SAMD9L: variants seen among roughly 807,000 people sequenced by gnomAD.
SAMD9L encodes the protein sterile alpha motif domain-containing protein 9-like.
In SAMD9L, 68 loss-of-function variants were observed where a neutral mutation model predicts 90.7. The ratio of observed to expected loss-of-function variants is 0.75; its 90% CI spans 0.62 to 0.92. The LOEUF is 0.92. Among genes scored for constraint, SAMD9L ranks in the 40% least tolerant of loss-of-function variants. The pLI is 0.00. For missense variants in SAMD9L, 1,604 were observed against 1,824.3 expected (o/e 0.88, Z 2.20); for synonymous variants, 640 against 630.1 (o/e 1.02, Z -0.23).
intron 2 of SAMD9L, among the ~76,000 whole-genome samples, chr7:93,146,453 A>G (rs910658932): frequency 1.3e-5 from 2 of 152,210 alleles, no homozygotes; most frequent in African/African-American, 4.8e-5. Context: ...ATATATTTTA[A>G]CCTATTTATT....
At chr7:93,139,816 A>G (rs42496) in intron 4 of SAMD9L, among the ~76,000 whole-genome samples, 130,947 of 152,174 alleles carry the variant, frequency 0.86, 56,495 homozygotes, top group East Asian at 0.97. Flanking sequence ...TGCCCCTCAG[A>G]CCCACTGCCT....
intron 2 of SAMD9L, 77 bp downstream of exon 2, chr7:93,146,805 TC>T (rs1236366546): frequency 4.6e-5 from 7 of 152,214 alleles, no homozygotes; most frequent in African/African-American, 1.7e-4. Flanking sequence ...AGTTTTTTTT[TC>T]AAAAGGAAAG....
At chr7:93,145,210 C>T (rs1792844880) in intron 3 of SAMD9L, among the ~76,000 whole-genome samples, 175 bp downstream of exon 3, 1 of 152,204 alleles carries the variant, frequency 6.6e-6, no homozygotes, top group African/African-American at 2.4e-5. Flanking sequence ...TATTGATTCT[C>T]ATATAAAAAT....
In SAMD9L at chr7:93,135,535, G is replaced by A; in HGVS notation, c.437C>T (p.Ala146Val). 2 of 1,613,926 alleles carry A rather than the reference G, an allele frequency of 1.2e-6. No homozygotes were observed. The highest frequency in any genetic ancestry group is 1.1e-5 in the South Asian group (1 of 91,070). ...ACCCTTTTTCTTGTGTTTAGCATTT[G>A]CTACTTCATCTAACACATTTTCTTT... ...LMKENVLDEV[A>V]NAKHKKKGKL... The change falls in exon 5 of 5, where the codon GCA becomes GTA. Residue 146 changes from alanine to valine, a missense_variant. Coordinates refer to ENST00000318238, the MANE Select transcript of SAMD9L (RefSeq NM_152703.5).
chr7:93,134,445 A>G lies in SAMD9L; in HGVS notation c.1527T>C (p.Tyr509=). 6.2e-7 allele frequency: 1 copy of G among 1,613,928 alleles called. No homozygotes were observed. The highest frequency in any genetic ancestry group is 1.7e-5 in the Admixed American group (1 of 59,992). Residue 509 remains tyrosine, a synonymous_variant, in exon 5 of 5, where the codon TAT becomes TAC. Coordinates refer to ENST00000318238, the MANE Select transcript of SAMD9L (RefSeq NM_152703.5). ...NGRSDLKSET[Y]KPLEPHLWQR... ...GCCATAAATGTGGTTCTAGAGGTTT[A>G]TATGTCTCGCTTTTCAGGTCTGATC...
Position 93,131,622 on chromosome 7 carries a change from C to T in SAMD9L, c.4350G>A (p.Lys1450=), listed in dbSNP as rs1180790921. 4.3e-6 allele frequency: 7 copies of T among 1,613,782 alleles called. No homozygotes were observed. Among genetic ancestry groups the T allele is most frequent in the Admixed American group, 1.7e-5 (1 of 59,968 alleles). The part of the protein sequence containing the change: ...ELDQDSKLIE[K]YVSSLNRSFR... ...AGGATCTATTTAAGGATGAAACATA[C>T]TTTTCTATTAGTTTGGAATCTTGAT... The change falls in exon 5 of 5, where the codon AAG becomes AAA. Residue 1450 remains lysine, a synonymous_variant. Transcript: ENST00000318238.
chr7:93,134,819 C>T lies in SAMD9L; in HGVS notation c.1153G>A (p.Gly385Arg). ...CTCTCCTTCTTCATTGCCTTCATTCCATACTCTTCTTCAGCCTCTTTTCTA... is the reference window on the plus strand; with the variant it reads ...CTCTCCTTCTTCATTGCCTTCATTCTATACTCTTCTTCAGCCTCTTTTCTA... The part of the protein sequence containing the change: ...ASRKEAEEEY[G>R]MKAMKKESEG... Residue 385 changes from glycine (G) to arginine (R), a missense_variant, in exon 5 of 5, where the codon GGA (glycine) becomes AGA (arginine). By Grantham distance (125) the Gly-to-Arg change is moderately radical. This residue lies in a region of SAMD9L where 606 missense variants were observed against 717.6 expected (regional missense o/e 0.84). Transcript: ENST00000318238. 1.2e-6 allele frequency: 2 copies of T among 1,613,776 alleles called. No homozygotes were observed. Among genetic ancestry groups the T allele is most frequent in the Non-Finnish European group, 1.7e-6 (2 of 1,179,892 alleles).
intron 4 of SAMD9L, among the ~76,000 whole-genome samples, chr7:93,139,608 G>T (rs989871309): frequency 6.6e-6 from 1 of 152,164 alleles, no homozygotes; most frequent in Non-Finnish European, 1.5e-5. Flanking sequence ...CTCCCTTGCA[G>T]CCCTCAGAAG....
intron 4 of SAMD9L, among the ~76,000 whole-genome samples, chr7:93,142,349 A>G (rs1792725621): frequency 1.3e-5 from 2 of 152,220 alleles, no homozygotes; most frequent in Non-Finnish European, 2.9e-5. Context: ...ATAAGCACTC[A>G]ATAAATATTT....
intron 4 of SAMD9L, among the ~76,000 whole-genome samples, chr7:93,138,119 A>G (rs1792529588): frequency 6.6e-6 from 1 of 152,202 alleles, no homozygotes; most frequent in Admixed American, 6.5e-5. Flanking sequence ...GCCAATTAGC[A>G]GAACCATGAG....
At chr7:93,136,091 A>C (rs920771975) in intron 4 of SAMD9L, 100 bp from the exon 5 acceptor site, 1 of 742,746 alleles carries the variant, frequency 1.3e-6, no homozygotes, top group Admixed American at 3.6e-5. Context: ...ATACATATAT[A>C]TATGTATAAT....
Position 93,133,943 on chromosome 7 carries a change from G to T in SAMD9L, c.2029C>A (p.Leu677Met). 1 of 1,613,744 alleles carries T rather than the reference G, an allele frequency of 6.2e-7. No homozygotes were observed. Among genetic ancestry groups the T allele is most frequent in the Non-Finnish European group, 8.5e-7 (1 of 1,179,842 alleles). ...TDIEKDKSKF[L>M]EFKKSKEEHF... is the part of the protein sequence containing the mutation. Reference sequence around the variant, plus strand: ...TCTTCTTTTGATTTCTTAAACTCCAGGAATTTAGATTTGTCTTTCTCGATG... The same window carrying T: ...TCTTCTTTTGATTTCTTAAACTCCATGAATTTAGATTTGTCTTTCTCGATG... The change falls in exon 5 of 5, where the codon CTG (leucine) becomes ATG (methionine). Residue 677 changes from leucine (L) to methionine (M), a missense_variant. By Grantham distance (15) the Leu-to-Met change is conservative. Coordinates refer to ENST00000318238, the MANE Select transcript of SAMD9L (RefSeq NM_152703.5).
At chr7:93,144,654 A>T (rs892046157) in intron 4 of SAMD9L, 78 bp downstream of exon 4, 4 of 152,158 alleles carry the variant, frequency 2.6e-5, no homozygotes, top group African/African-American at 9.7e-5. Flanking sequence ...AGCAGGAAGG[A>T]TCAAACTGGC....
chr7:93,140,214 C>T (rs1792631673), intron 4 of SAMD9L, among the ~76,000 whole-genome samples: 1 of 146,492 alleles, frequency 6.8e-6, no homozygotes, highest in Non-Finnish European at 1.5e-5. Flanking sequence ...CAATGGGCCT[C>T]CACACTGACT....
intron 4 of SAMD9L, among the ~76,000 whole-genome samples, chr7:93,142,804 G>A (rs370358373): frequency 2.8e-4 from 42 of 152,176 alleles, no homozygotes; most frequent in African/African-American, 9.9e-4. Context: ...CCATAGAGTG[G>A]CTCTGTTTAG....
At chr7:93,145,118 C>T (rs1792840444) in intron 3 of SAMD9L, among the ~76,000 whole-genome samples, 3 of 152,162 alleles carry the variant, frequency 2.0e-5, no homozygotes. Flanking sequence ...GAGCTTTCCA[C>T]CTCTAGAAAT....
rs1182260891 is a variant in SAMD9L, at chr7:93,131,466, A to G, written c.4506T>C (p.Asn1502=). Residue 1502 remains asparagine (N), a synonymous_variant, in exon 5 of 5, where the codon AAT becomes AAC. Coordinates refer to ENST00000318238, the MANE Select transcript of SAMD9L (RefSeq NM_152703.5). ...KIEQYFDKAQ[N]TNSLWHSGDV... is the part of the protein sequence containing the mutation. ...CCCCACTGTGCCAGAGGGAATTTGT[A>G]TTTTGTGCTTTATCAAAGTACTGCT... The G allele has an allele frequency of 1.9e-6, 3 of 1,613,826 alleles. No individual in the cohort carries two copies. Among genetic ancestry groups the G allele is most frequent in the Non-Finnish European group, 2.5e-6 (3 of 1,179,866 alleles).
chr7:93,134,990 A>G lies in SAMD9L; in HGVS notation c.982T>C (p.Cys328Arg), dbSNP rs2116500264. ...DKYFYIQMQI[C>R]KDKIWKQNQN... ...TTTTGTTTCCATATTTTATCTTTAC[A>G]AATTTGCATCTGAATGTAGAAATAC... The change falls in exon 5 of 5, where the codon TGT becomes CGT. Residue 328 changes from cysteine (C) to arginine (R), a missense_variant. By Grantham distance (180) the Cys-to-Arg change is radical. This residue lies in a region of SAMD9L where 374 missense variants were observed against 363.6 expected (regional missense o/e 1.03). Coordinates refer to ENST00000318238, the MANE Select transcript of SAMD9L (RefSeq NM_152703.5). 1 of 1,613,424 alleles carries G rather than the reference A, an allele frequency of 6.2e-7. No homozygotes were observed. Among genetic ancestry groups the G allele is most frequent in the Non-Finnish European group, 8.5e-7 (1 of 1,179,370 alleles).
At position 93,134,130 on chromosome 7, in the gene SAMD9L, T is replaced by A. The variant is rs1220510590; in HGVS notation, c.1842A>T (p.Ile614=). 2 of 1,613,866 alleles carry A rather than the reference T, an allele frequency of 1.2e-6. No individual in the cohort carries two copies. Among genetic ancestry groups the A allele is most frequent in the African/African-American group, 2.7e-5 (2 of 74,918 alleles). The change falls in exon 5 of 5, where the codon ATA becomes ATT. Residue 614 remains isoleucine (I), a synonymous_variant. Coordinates refer to ENST00000318238, the MANE Select transcript of SAMD9L (RefSeq NM_152703.5). ...LTNHSISTLN[I]ELVNSTILKL... is the part of the protein sequence containing the mutation. ...TAAGGATAGTGCTGTTTACCAGTTC[T>A]ATATTTAAAGTGGAAATACTGTGGT...
Sources: gnomAD v4.1 joint callset for allele counts (sites outside exome capture counted in the v4.1 genomes callset) on GRCh38, gnomAD v4.1.1 for gene constraint, gnomAD v4.1.1 regional missense constraint, MANE v1.5 for transcripts, NCBI Gene and HGNC (gene_info 2026-07-23, HGNC 2026-07-21) for gene names.